Variants in TCP10L observed in about 807,000 individuals in gnomAD.
TCP10L encodes the protein t-complex 10 like, also known as T-complex protein 10A homolog 1.
TCP10L carries 11 observed loss-of-function variants against 19.2 expected under a neutral mutation model. That is an observed-to-expected ratio of 0.57 (90% CI 0.36 to 0.95). The LOEUF (loss-of-function observed/expected upper bound fraction) is 0.95, where lower values mean the gene tolerates loss of function less well. TCP10L is among the 40% of genes least tolerant of loss of function. The pLI is 0.01. For synonymous variants in TCP10L, 96 were observed against 97.2 expected (o/e 0.99, Z 0.07); for missense variants, 247 against 263.9 (o/e 0.94, Z 0.44).
At chr21:32,579,379 G>A (rs1235826180) in intron 3 of TCP10L, among the ~76,000 whole-genome samples, 1 of 152,204 alleles carries the variant, frequency 6.6e-6, no homozygotes, top group East Asian at 1.9e-4. Flanking sequence ...GGGTTGCTAT[G>A]AACGAACCCT....
chr21:32,585,237 C>G (rs897286374), intron 1 of TCP10L, among the ~76,000 whole-genome samples, 184 bp downstream of exon 1: 3 of 152,188 alleles, frequency 2.0e-5, no homozygotes, highest in African/African-American at 7.2e-5. Context: ...ATTCCTTCCC[C>G]GCGGAGACTG....
chr21:32,585,101 C>G (rs66487517), intron 1 of TCP10L, among the ~76,000 whole-genome samples: 1 of 152,126 alleles, frequency 6.6e-6, no homozygotes, highest in African/African-American at 2.4e-5. Flanking sequence ...AATTCATAAA[C>G]TTCTAACTGT....
rs1053507143 is a variant in TCP10L at position 32,575,084 on chromosome 21, T to A, written c.*1690A>T. 10 of 151,652 alleles carry A rather than the reference T, an allele frequency of 6.6e-5. No homozygotes were observed. The highest frequency in any genetic ancestry group is 1.3e-4 in the Non-Finnish European group (9 of 67,972). The allele number at this position is 151,652 out of a possible 1,614,324, so 9.4% of individuals were successfully genotyped here. A position where few individuals can be genotyped will look rare whatever the true frequency, so the allele number is the denominator to read the frequency against. ...CACAGGCTTCCAGGAGAGCCAGGAG[T>A]CAGGGGAGCTTCCCCAGGATGGCGT... is the stretch of plus-strand genomic sequence containing the variant. On this transcript the variant is annotated 3_prime_UTR_variant, in exon 5 of 5. Coordinates refer to ENST00000300258, the MANE Select transcript of TCP10L (RefSeq NM_144659.7).
At position 32,574,937 on chromosome 21, in the gene TCP10L, C is replaced by T. The variant is rs903473725; in HGVS notation, c.*1837G>A. 3 of 152,228 alleles carry T rather than the reference C, an allele frequency of 2.0e-5. No individual in the cohort carries two copies. The highest frequency in any genetic ancestry group is 7.2e-5 in the African/African-American group (3 of 41,456). 9.4% of individuals were successfully genotyped at this position (152,228 alleles called of 1,614,324 possible). A position where few individuals can be genotyped will look rare whatever the true frequency, so the allele number is the denominator to read the frequency against. ...CAGGAGATTCACGGATGGAAAGGCA[C>T]TGTCTTGGCCCTGAAGCTGCTCACA... On this transcript the variant is annotated 3_prime_UTR_variant, in exon 5 of 5. Transcript: ENST00000300258.
In TCP10L at chr21:32,574,157, C is replaced by T. The variant is rs1281530008; in HGVS notation, c.*2617G>A. ...AGAGAAAATAATTTCATTTTATTGACATTTTTTGTAAAATATAGCATGTTA... is the reference window on the plus strand; with the variant it reads ...AGAGAAAATAATTTCATTTTATTGATATTTTTTGTAAAATATAGCATGTTA... On this transcript the variant is annotated 3_prime_UTR_variant, in exon 5 of 5. Coordinates refer to ENST00000300258, the MANE Select transcript of TCP10L (RefSeq NM_144659.7). The T allele has an allele frequency of 6.9e-6, 1 of 144,548 alleles. No individual in the cohort carries two copies. Among genetic ancestry groups the T allele is most frequent in the Admixed American group, 6.9e-5 (1 of 14,474 alleles). The allele number at this position is 144,548 out of a possible 1,614,324, so 9.0% of individuals were successfully genotyped here.
intron 2 of TCP10L, among the ~76,000 whole-genome samples, chr21:32,583,445 C>T (rs1272843831): frequency 1.3e-5 from 2 of 151,556 alleles, no homozygotes; most frequent in African/African-American, 2.4e-5. Context: ...AAAAATTAGC[C>T]GGGCGTAGTG....
At chr21:32,581,889 A>G (rs1907175568) in intron 3 of TCP10L, among the ~76,000 whole-genome samples, 1 of 152,166 alleles carries the variant, frequency 6.6e-6, no homozygotes, top group African/African-American at 2.4e-5. Context: ...TAGCCCATGT[A>G]AAGTCCACAG....
At position 32,582,302 on chromosome 21, in the gene TCP10L, G is replaced by A. The variant is rs2038504508; in HGVS notation, c.258C>T (p.Asn86=). Residue 86 remains asparagine, a synonymous_variant, in exon 3 of 5, where the codon AAC becomes AAT. Coordinates refer to ENST00000300258, the MANE Select transcript of TCP10L (RefSeq NM_144659.7). This position sits in a 1 kb window ranked among gnomAD's most constrained non-coding sequence, Gnocchi z 4.2. ...RSHIDALREQ[N]MELREKLRAL... is the part of the protein sequence containing the mutation. ...CTCTCAGCTTTTCTCGGAGCTCCAT[G>A]TTCTGCTCCCTCAAAGCATCTATAT... 2.5e-6 allele frequency: 4 copies of A among 1,614,142 alleles called. No homozygotes were observed. The highest frequency in any genetic ancestry group is 3.4e-6 in the Non-Finnish European group (4 of 1,180,040).
chr21:32,585,180 C>T (rs976216285), intron 1 of TCP10L, among the ~76,000 whole-genome samples: 21 of 152,186 alleles, frequency 1.4e-4, no homozygotes, highest in Non-Finnish European at 1.8e-4. Flanking sequence ...CTGATGGAAG[C>T]GAATCGAAGG....
rs1006986853 is a variant in TCP10L, at chr21:32,582,109, C to T, written c.360+91G>A. 7.7e-6 allele frequency: 11 copies of T among 1,424,012 alleles called. No homozygotes were observed. Among genetic ancestry groups the T allele is most frequent in the South Asian group, 1.3e-5 (1 of 77,526 alleles). The allele number at this position is 1,424,012 out of a possible 1,614,324, so 88.2% of individuals were successfully genotyped here. ...CCACCACCCGGAGCGTGAGTGATAC[C>T]GCGTCATTCAGCAATAAAGCCCACA... On this transcript the variant is annotated intron_variant, in intron 3 of 4. Coordinates refer to ENST00000300258, the MANE Select transcript of TCP10L (RefSeq NM_144659.7). The surrounding 1 kb of genome is among the most constrained non-coding windows in gnomAD (Gnocchi z 4.2).
At position 32,576,487 on chromosome 21, in the gene TCP10L, G is replaced by T; in HGVS notation, c.*287C>A. 1.6e-6 allele frequency: 1 copy of T among 620,174 alleles called. No individual in the cohort carries two copies. The highest frequency in any genetic ancestry group is 2.7e-6 in the Non-Finnish European group (1 of 367,938). 38.4% of individuals were successfully genotyped at this position (620,174 alleles called of 1,614,324 possible). ...CCCGACACTCCATACTACAAGGTGGGTTAATTTTTTTAAAGACTCTGCAGA... is the reference window on the plus strand; with the variant it reads ...CCCGACACTCCATACTACAAGGTGGTTTAATTTTTTTAAAGACTCTGCAGA... On this transcript the variant is annotated 3_prime_UTR_variant, in exon 5 of 5. Transcript: ENST00000300258.
chr21:32,580,576 T>A (rs949018845), intron 3 of TCP10L, among the ~76,000 whole-genome samples: 5 of 151,822 alleles, frequency 3.3e-5, no homozygotes, highest in African/African-American at 1.2e-4. Context: ...ATTTAAAAGT[T>A]CACACAATAA....
At position 32,582,159 on chromosome 21, in the gene TCP10L, A is replaced by C; in HGVS notation, c.360+41T>G. ...ATCTTTATGGGGACGCTATTTTTAC[A>C]TAACGCAAACGGTACAAAAACATAA... On this transcript the variant is annotated intron_variant, in intron 3 of 4. Coordinates refer to ENST00000300258, the MANE Select transcript of TCP10L (RefSeq NM_144659.7). The surrounding 1 kb of genome is among the most constrained non-coding windows in gnomAD (Gnocchi z 4.2). 6.2e-7 allele frequency: 1 copy of C among 1,602,126 alleles called. No individual in the cohort carries two copies. The highest frequency in any genetic ancestry group is 2.2e-5 in the East Asian group (1 of 44,704).
chr21:32,578,634 G>A lies in TCP10L; in HGVS notation c.498+60C>T. The stretch of plus-strand genomic sequence containing the variant: ...TTGTGTGGTGAGGAGCTGATGGGAT[G>A]TGTGTGTTTGGGTACAGAACCTCTG... On this transcript the variant is annotated intron_variant, in intron 4 of 4. Coordinates refer to ENST00000300258, the MANE Select transcript of TCP10L (RefSeq NM_144659.7). This position sits in a 1 kb window ranked among gnomAD's most constrained non-coding sequence, Gnocchi z 4.2. 4 of 1,573,438 alleles carry A rather than the reference G, an allele frequency of 2.5e-6. No individual in the cohort carries two copies. The highest frequency in any genetic ancestry group is 1.4e-5 in the African/African-American group (1 of 73,752).
In TCP10L at chr21:32,582,359, C is replaced by T. The variant is rs766898140; in HGVS notation, c.201G>A (p.Leu67=). ...LHQELGRQKS[L]WADVHGKLRS... is the part of the protein sequence containing the mutation. ...GGAGTTTTCCATGAACATCAGCCCA[C>T]AGAGACTTCTGTCTCCCAAGCTCTT... The change falls in exon 3 of 5, where the codon CTG becomes CTA. Residue 67 remains leucine, a synonymous_variant. Coordinates refer to ENST00000300258, the MANE Select transcript of TCP10L (RefSeq NM_144659.7). The surrounding 1 kb of genome is among the most constrained non-coding windows in gnomAD (Gnocchi z 4.2). 1.9e-5 allele frequency: 30 copies of T among 1,613,910 alleles called. No homozygotes were observed. In the South Asian group the frequency reaches 3.1e-4, roughly 17 times the overall value.
rs1012325221 is a variant in TCP10L at position 32,582,739 on chromosome 21, T to G, written c.145-324A>C. The stretch of plus-strand genomic sequence containing the variant: ...TCCCAAATAGCTGGGACTACAGGCA[T>G]GTGCCACCATACTTCGCTAATTTTT... On this transcript the variant is annotated intron_variant, in intron 2 of 4. Coordinates refer to ENST00000300258, the MANE Select transcript of TCP10L (RefSeq NM_144659.7). The surrounding 1 kb of genome is among the most constrained non-coding windows in gnomAD (Gnocchi z 4.2). 6.6e-6 allele frequency among the ~76,000 whole-genome samples: 1 copy of G among 151,946 alleles called. No homozygotes were observed. Among genetic ancestry groups the G allele is most frequent in the African/African-American group, 2.4e-5 (1 of 41,376 alleles).
chr21:32,580,709 T>A (rs920746495), intron 3 of TCP10L, among the ~76,000 whole-genome samples: 1 of 152,184 alleles, frequency 6.6e-6, no homozygotes, highest in African/African-American at 2.4e-5. Flanking sequence ...TGATTCAAGT[T>A]ATTTAGATCC....
At position 32,585,402 on chromosome 21, in the gene TCP10L, C is replaced by A; in HGVS notation, c.-2+19G>T. The stretch of plus-strand genomic sequence containing the variant: ...AAGACCCTTTCCTTCAGCCCCACCA[C>A]CAGACCTCGTCACCTCACCTGGTCC... On this transcript the variant is annotated intron_variant, in intron 1 of 4. Coordinates refer to ENST00000300258, the MANE Select transcript of TCP10L (RefSeq NM_144659.7). 5.8e-6 allele frequency: 1 copy of A among 171,628 alleles called. No individual in the cohort carries two copies. The highest frequency in any genetic ancestry group is 1.3e-5 in the Non-Finnish European group (1 of 78,494). 10.6% of individuals were successfully genotyped at this position (171,628 alleles called of 1,614,324 possible).
rs1343510679 is a variant in TCP10L, at chr21:32,576,745, C to T, written c.*29G>A. ...TTTCCAAGGGGCCAGTGTAGAGTGA[C>T]ACAGGTGTCCGAGGCCACCTTTCCA... On this transcript the variant is annotated 3_prime_UTR_variant, in exon 5 of 5. Transcript: ENST00000300258. 6 of 1,608,620 alleles carry T rather than the reference C, an allele frequency of 3.7e-6. No individual in the cohort carries two copies. In the East Asian group the frequency reaches 1.1e-4, roughly 30 times the overall value.
Sources: gnomAD v4.1 joint callset for allele counts (sites outside exome capture counted in the v4.1 genomes callset) on GRCh38, gnomAD v4.1.1 for gene constraint, Gnocchi (gnomAD v3.1) non-coding constraint, MANE v1.5 for transcripts, NCBI Gene and HGNC (gene_info 2026-07-23, HGNC 2026-07-21) for gene names.